Variants in LRRD1 observed in about 807,000 individuals in gnomAD.
LRRD1 encodes the protein leucine rich repeats and death domain containing 1.
LRRD1 carries 49 observed loss-of-function variants against 69.5 expected under a neutral mutation model. The observed-to-expected ratio is 0.70, with a 90% CI of 0.56 to 0.89. The LOEUF is 0.89. Among genes scored for constraint, LRRD1 ranks in the 40% least tolerant of loss-of-function variants. The pLI is 0.00. For missense variants in LRRD1, 853 were observed against 956.0 expected (o/e 0.89, Z 1.42); for synonymous variants, 303 against 338.9 (o/e 0.89, Z 1.16).
downstream of LRRD1, chr7:92,142,728 C>G: frequency 2.3e-6 from 1 of 429,890 alleles, no homozygotes; most frequent in South Asian, 1.7e-5. Flanking sequence ...AGCTGCAGAC[C>G]TTCGCAGTGA....
chr7:92,142,860 C>T, downstream of LRRD1: 1 of 385,580 alleles, frequency 2.6e-6, no homozygotes, highest in Non-Finnish European at 5.1e-6. Context: ...CTCATAAAGG[C>T]AGTGTGGACC....
rs201497385 is a variant in LRRD1, at chr7:92,178,022, G to C, written c.-75+985C>G. 4.6e-5 allele frequency among the ~76,000 whole-genome samples: 7 copies of C among 151,750 alleles called. No homozygotes were observed. In the East Asian group the frequency reaches 1.2e-3, roughly 25 times the overall value. On this transcript the variant is annotated intron_variant, in intron 1 of 5. Transcript: ENST00000458448. ...TGCCACCAATTATTTGTTTCCATAT[G>C]AGCATTTTAAAGGCTGATACACAAC...
chr7:92,148,431 A>T (rs1256813962), intron 4 of LRRD1, among the ~76,000 whole-genome samples: 2 of 151,362 alleles, frequency 1.3e-5, no homozygotes, highest in East Asian at 1.9e-4. Flanking sequence ...GTTCTATTTT[A>T]AAAAGTTTTA....
downstream of LRRD1, chr7:92,142,800 C>G (rs1193698788): frequency 9.0e-6 from 4 of 442,296 alleles, no homozygotes; most frequent in Non-Finnish European, 1.8e-5. Flanking sequence ...GGTTCCTGGT[C>G]TTGCTGGCTT....
chr7:92,160,381 G>A (rs1584657058), intron 2 of LRRD1, among the ~76,000 whole-genome samples: 1 of 152,030 alleles, frequency 6.6e-6, no homozygotes, highest in Non-Finnish European at 1.5e-5. Context: ...GAAAAAATCA[G>A]GAAATGGAAT....
chr7:92,151,873 C>T (rs1173975177), intron 3 of LRRD1, among the ~76,000 whole-genome samples: 2 of 150,322 alleles, frequency 1.3e-5, no homozygotes, highest in East Asian at 1.9e-4. Flanking sequence ...TGCATGAACC[C>T]GGGAGGCAGA....
intron 1 of LRRD1, among the ~76,000 whole-genome samples, chr7:92,178,696 A>G (rs1057351831): frequency 1.3e-5 from 2 of 152,190 alleles, no homozygotes; most frequent in African/African-American, 4.8e-5. Flanking sequence ...ACATACATAC[A>G]TACATACAAA....
At chr7:92,153,302 C>T (rs184813983) in intron 3 of LRRD1, among the ~76,000 whole-genome samples, 3 of 150,000 alleles carry the variant, frequency 2.0e-5, no homozygotes, top group East Asian at 2.1e-4. Context: ...TGACCTCAAG[C>T]GATCCACCTG....
downstream of LRRD1, among the ~76,000 whole-genome samples, chr7:92,144,221 A>G (rs1363768499): frequency 6.6e-6 from 1 of 152,266 alleles, no homozygotes; most frequent in Non-Finnish European, 1.5e-5. Context: ...TTTTTAAACT[A>G]GCATCTAAAA....
Position 92,163,186 on chromosome 7 carries a change from C to T in LRRD1, c.1917+100G>A, listed in dbSNP as rs564829963. On this transcript the variant is annotated intron_variant, in intron 2 of 5. Transcript: ENST00000458448. ...TAAAAAACAAAATATTTCAGCTCAA[C>T]TTAAAACACACATACGGTACCCACA... 45 of 726,192 alleles carry T rather than the reference C, an allele frequency of 6.2e-5. 1 individual carries two copies. The highest frequency in any genetic ancestry group is 2.4e-4 in the Admixed American group (6 of 24,854). The allele number at this position is 726,192 out of a possible 1,614,324, so 45.0% of individuals were successfully genotyped here. A position where few individuals can be genotyped will look rare whatever the true frequency, so the allele number is the denominator to read the frequency against.
downstream of LRRD1, among the ~76,000 whole-genome samples, chr7:92,143,422 C>A (rs145306345): frequency 6.6e-6 from 1 of 150,874 alleles, no homozygotes; most frequent in Non-Finnish European, 1.5e-5. Context: ...GAACCGGGGG[C>A]GGCACTCGTC....
chr7:92,153,309 C>T (rs888053120), intron 3 of LRRD1, among the ~76,000 whole-genome samples: 1 of 152,038 alleles, frequency 6.6e-6, no homozygotes, highest in Non-Finnish European at 1.5e-5. Flanking sequence ...AAGCGATCCA[C>T]CTGCCTCAGC....
At chr7:92,177,579 C>T (rs1258378707) in intron 1 of LRRD1, among the ~76,000 whole-genome samples, 1 of 145,488 alleles carries the variant, frequency 6.9e-6, no homozygotes, top group African/African-American at 2.9e-5. Context: ...TCAGCTCCTT[C>T]TGGGCTCTTA....
intron 4 of LRRD1, chr7:92,149,853 C>T (rs1382870280): frequency 2.2e-5 from 10 of 450,710 alleles, no homozygotes; most frequent in Non-Finnish European, 4.5e-5. Flanking sequence ...ACACGCAACT[C>T]CAAATGTCTT....
chr7:92,149,332 C>A (rs1330031160), intron 4 of LRRD1, among the ~76,000 whole-genome samples: 1 of 152,130 alleles, frequency 6.6e-6, no homozygotes, highest in Non-Finnish European at 1.5e-5. Flanking sequence ...TTTGGTATTC[C>A]ATTTCCCCAA....
downstream of LRRD1, among the ~76,000 whole-genome samples, chr7:92,143,344 C>T (rs1820218105): frequency 6.6e-6 from 1 of 152,188 alleles, no homozygotes; most frequent in East Asian, 1.9e-4. Context: ...GGTAGAGCTG[C>T]CTGTCAATCC....
chr7:92,156,702 C>T (rs888737193), intron 3 of LRRD1, among the ~76,000 whole-genome samples: 13 of 152,190 alleles, frequency 8.5e-5, no homozygotes, highest in African/African-American at 3.1e-4. Flanking sequence ...ACCTAGACAA[C>T]GTGTCTCTGT....
At chr7:92,151,350 A>G (rs2130987860) in intron 3 of LRRD1, among the ~76,000 whole-genome samples, 1 of 152,290 alleles carries the variant, frequency 6.6e-6, no homozygotes, top group East Asian at 1.9e-4. Context: ...TTTGTCTGAT[A>G]TGTTCTCATT....
chr7:92,146,034 A>T, intron 5 of LRRD1, 49 bp downstream of exon 5: 1 of 959,172 alleles, frequency 1.0e-6, no homozygotes, highest in Non-Finnish European at 1.5e-6. Flanking sequence ...AACATGATAT[A>T]CATCAGAATG....
Sources: allele counts gnomAD v4.1 joint callset (sites outside exome capture counted in the v4.1 genomes callset), GRCh38; gene constraint gnomAD v4.1.1; transcripts MANE v1.5; gene names NCBI Gene and HGNC (gene_info 2026-07-23, HGNC 2026-07-21).